IL2RA: variants seen among roughly 807,000 people sequenced by gnomAD.
The protein encoded by IL2RA is interleukin-2 receptor subunit alpha.
Under a neutral mutation model 37.8 loss-of-function variants are expected in IL2RA, and 24 were observed. That is an observed-to-expected ratio of 0.63 (90% CI 0.46 to 0.89). The LOEUF (loss-of-function observed/expected upper bound fraction) is 0.89, where lower values mean the gene tolerates loss of function less well. IL2RA is among the 40% of genes least tolerant of loss of function. IL2RA has a pLI of 0.00. For synonymous variants in IL2RA, 125 were observed against 114.6 expected (o/e 1.09, Z -0.58); for missense variants, 319 against 348.6 (o/e 0.92, Z 0.68).
In IL2RA at chr10:6,047,898, A is replaced by G. The variant is rs1259887026; in HGVS notation, c.64+14190T>C. Among the ~76,000 whole-genome samples the G allele has an allele frequency of 6.6e-6, 1 of 152,152 alleles. No homozygotes were observed. Among genetic ancestry groups the G allele is most frequent in the Non-Finnish European group, 1.5e-5 (1 of 68,012 alleles). The stretch of plus-strand genomic sequence containing the variant: ...AAAATTATTACTTATGCAGTAATTA[A>G]TTATGAGGTGATGTGTTCTTCTCAT... On this transcript the variant is annotated intron_variant, in intron 1 of 7. Transcript: ENST00000379959. This position sits in a 1 kb window ranked among gnomAD's most constrained non-coding sequence, Gnocchi z 5.0.
intron 1 of IL2RA, among the ~76,000 whole-genome samples, chr10:6,030,336 A>G (rs1490600522): frequency 6.6e-6 from 1 of 152,240 alleles, no homozygotes; most frequent in African/African-American, 2.4e-5. Flanking sequence ...AAGCCCATCT[A>G]TATACATCGT....
At position 6,054,641 on chromosome 10, in the gene IL2RA, C is replaced by T. The variant is rs1840014311; in HGVS notation, c.64+7447G>A. Among the ~76,000 whole-genome samples the T allele has an allele frequency of 6.6e-6, 1 of 152,112 alleles. No homozygotes were observed. The highest frequency in any genetic ancestry group is 1.5e-5 in the Non-Finnish European group (1 of 68,024). On this transcript the variant is annotated intron_variant, in intron 1 of 7. Coordinates refer to ENST00000379959, the MANE Select transcript of IL2RA (RefSeq NM_000417.3). This position sits in a 1 kb window ranked among gnomAD's most constrained non-coding sequence, Gnocchi z 4.5. Reference sequence around the variant, plus strand: ...AGCTCACTACTCATGGAACACGGTCCATGTACACGACTCCAGCAGCATCAC... The same window carrying T: ...AGCTCACTACTCATGGAACACGGTCTATGTACACGACTCCAGCAGCATCAC...
Position 6,020,014 on chromosome 10 carries a change from C to G in IL2RA, c.584-73G>C. On this transcript the variant is annotated intron_variant, in intron 4 of 7. Transcript: ENST00000379959. This position sits in a 1 kb window ranked among gnomAD's most constrained non-coding sequence, Gnocchi z 5.6. ...GGGCCTCACTCCCACCCCGCCTGCC[C>G]CAGGCAGCCGGCCCCAGACACGCCC... The G allele has an allele frequency of 1.5e-6, 2 of 1,334,444 alleles. No homozygotes were observed. Among genetic ancestry groups the G allele is most frequent in the Non-Finnish European group, 2.2e-6 (2 of 926,736 alleles). The allele number at this position is 1,334,444 out of a possible 1,614,324, so 82.7% of individuals were successfully genotyped here. A position where few individuals can be genotyped will look rare whatever the true frequency, so the allele number is the denominator to read the frequency against.
chr10:6,050,130 C>T (rs10905669), intron 1 of IL2RA, among the ~76,000 whole-genome samples: 31,068 of 152,094 alleles, frequency 0.2, 3,742 homozygotes, highest in East Asian at 0.32. Flanking sequence ...ACGACAGGTG[C>T]TTTCAGGGGA....
intron 7 of IL2RA, among the ~76,000 whole-genome samples, chr10:6,013,884 T>C (rs960343414): frequency 6.7e-6 from 1 of 149,482 alleles, no homozygotes; most frequent in African/African-American, 2.5e-5. Flanking sequence ...CAGGCTGCAG[T>C]GCAGTGGCAT....
In IL2RA at chr10:6,033,766, A is replaced by G. The variant is rs1326120594; in HGVS notation, c.65-7741T>C. ...AGTTATATCCAGAGATAGAAAGCAG[A>G]CAGTGGTTTCTTGTGGTAGGTGGGT... On this transcript the variant is annotated intron_variant, in intron 1 of 7. Transcript: ENST00000379959. The surrounding 1 kb of genome is among the most constrained non-coding windows in gnomAD (Gnocchi z 4.3). Among the ~76,000 whole-genome samples the G allele has an allele frequency of 6.6e-6, 1 of 152,254 alleles. No homozygotes were observed. Among genetic ancestry groups the G allele is most frequent in the Non-Finnish European group, 1.5e-5 (1 of 68,046 alleles).
intron 1 of IL2RA, among the ~76,000 whole-genome samples, chr10:6,045,126 A>G (rs1839829621): frequency 6.6e-6 from 1 of 152,192 alleles, no homozygotes; most frequent in Admixed American, 6.5e-5. Flanking sequence ...ATCTCCGAGC[A>G]CTTGGACACA....
At chr10:6,037,334 G>C (rs570112512) in intron 1 of IL2RA, among the ~76,000 whole-genome samples, 12 of 152,222 alleles carry the variant, frequency 7.9e-5, no homozygotes, top group African/African-American at 2.9e-4. Context: ...AAGATAAAGG[G>C]AAAAGGGGGC....
rs1255003017 is a variant in IL2RA, at chr10:6,046,446, C to T, written c.64+15642G>A. Among the ~76,000 whole-genome samples the T allele has an allele frequency of 1.3e-5, 2 of 152,188 alleles. No individual in the cohort carries two copies. Among genetic ancestry groups the T allele is most frequent in the Non-Finnish European group, 2.9e-5 (2 of 68,036 alleles). ...CCCCAGACATCGGGTAAGACAATGA[C>T]ATTTCAGGCACTGTGGGATTGATGG... On this transcript the variant is annotated intron_variant, in intron 1 of 7. Coordinates refer to ENST00000379959, the MANE Select transcript of IL2RA (RefSeq NM_000417.3). The surrounding 1 kb of genome is among the most constrained non-coding windows in gnomAD (Gnocchi z 4.8).
At chr10:6,042,595 C>T (rs751655743) in intron 1 of IL2RA, among the ~76,000 whole-genome samples, 3 of 152,058 alleles carry the variant, frequency 2.0e-5, no homozygotes, top group South Asian at 2.1e-4. Context: ...TAAGTAATAA[C>T]GTCTACTTAG....
At chr10:6,016,989 C>T (rs1839290068) in intron 7 of IL2RA, 1 of 152,542 alleles carries the variant, frequency 6.6e-6, no homozygotes, top group African/African-American at 2.4e-5. Flanking sequence ...AAGATTCCCC[C>T]CAAATTCAAA....
At position 6,047,330 on chromosome 10, in the gene IL2RA, A is replaced by T. The variant is rs1839879786; in HGVS notation, c.64+14758T>A. Among the ~76,000 whole-genome samples the T allele has an allele frequency of 6.6e-6, 1 of 152,188 alleles. No individual in the cohort carries two copies. The highest frequency in any genetic ancestry group is 2.1e-4 in the South Asian group (1 of 4,826). ...GCCTGTGCCACACTCAGAACGCGGG[A>T]TGAACATAGAGGAAACACTAGAATG... On this transcript the variant is annotated intron_variant, in intron 1 of 7. Coordinates refer to ENST00000379959, the MANE Select transcript of IL2RA (RefSeq NM_000417.3). This position sits in a 1 kb window ranked among gnomAD's most constrained non-coding sequence, Gnocchi z 5.0.
At chr10:6,023,556 G>A (rs986595898) in intron 3 of IL2RA, among the ~76,000 whole-genome samples, 1 of 152,172 alleles carries the variant, frequency 6.6e-6, no homozygotes, top group Non-Finnish European at 1.5e-5. Context: ...GGCTGGTCTC[G>A]AACTCCTGAC....
In IL2RA at chr10:6,017,572, ATTTT is replaced by A. The variant is rs71390109; in HGVS notation, c.794+477_794+480del. 9.3e-4 allele frequency among the ~76,000 whole-genome samples: 98 copies of A among 104,858 alleles called. 1 individual carries two copies. The highest frequency in any genetic ancestry group is 1.5e-3 in the Non-Finnish European group (83 of 54,410). The allele number at this position is 104,858 out of a possible 152,430, so 68.8% of individuals were successfully genotyped here. On this transcript the variant is annotated intron_variant, in intron 7 of 7. Transcript: ENST00000379959. ...GCCTTCCCATTTCCCTGGTCGTTTAATTTTTTTTTTTTTTTTTTTTTGAGACAGA... is the reference window on the plus strand; with the variant it reads ...GCCTTCCCATTTCCCTGGTCGTTTAATTTTTTTTTTTTTTTTTGAGACAGA...
At position 6,020,359 on chromosome 10, in the gene IL2RA, G is replaced by A. The variant is rs893173784; in HGVS notation, c.584-418C>T. ...CTTCTCCTGAGGGGTCAGCAACCCT[G>A]GCTCTGCCCTGCCTCTCACCCTCTT... On this transcript the variant is annotated intron_variant, in intron 4 of 7. Coordinates refer to ENST00000379959, the MANE Select transcript of IL2RA (RefSeq NM_000417.3). This position sits in a 1 kb window ranked among gnomAD's most constrained non-coding sequence, Gnocchi z 5.6. Among the ~76,000 whole-genome samples the A allele has an allele frequency of 1.3e-5, 2 of 152,124 alleles. No individual in the cohort carries two copies. Among genetic ancestry groups the A allele is most frequent in the Non-Finnish European group, 2.9e-5 (2 of 68,012 alleles).
At chr10:6,027,954 A>G (rs897245425) in intron 1 of IL2RA, among the ~76,000 whole-genome samples, 2 of 152,226 alleles carry the variant, frequency 1.3e-5, no homozygotes, top group Admixed American at 6.5e-5. Flanking sequence ...GCTTCCAGCC[A>G]TCACAGAGTA....
rs984862449 is a variant in IL2RA, at chr10:6,019,622, G to A, written c.656-123C>T. The A allele has an allele frequency of 1.1e-5, 9 of 825,080 alleles. No homozygotes were observed. The African/African-American group carries it at 1.5e-4, about 14-fold the overall frequency. 51.1% of individuals were successfully genotyped at this position (825,080 alleles called of 1,614,324 possible). A position where few individuals can be genotyped will look rare whatever the true frequency, so the allele number is the denominator to read the frequency against. On this transcript the variant is annotated intron_variant, in intron 5 of 7. Coordinates refer to ENST00000379959, the MANE Select transcript of IL2RA (RefSeq NM_000417.3). ...AGAGGCTGGTGGGAGACACGTGGTGGTGGTGAGGGAAGGTGTTCCATCTCT... is the reference window on the plus strand; with the variant it reads ...AGAGGCTGGTGGGAGACACGTGGTGATGGTGAGGGAAGGTGTTCCATCTCT...
At chr10:6,032,034 GACTCA>G (rs2132869004) in intron 1 of IL2RA, among the ~76,000 whole-genome samples, 1 of 152,220 alleles carries the variant, frequency 6.6e-6, no homozygotes, top group Admixed American at 6.5e-5. Context: ...TCCTGAAATG[GACTCA>G]ACTCATGTTT....
rs761269061 is a variant in IL2RA, at chr10:6,019,838, C to G, written c.655+32G>C. On this transcript the variant is annotated intron_variant, in intron 5 of 7. Coordinates refer to ENST00000379959, the MANE Select transcript of IL2RA (RefSeq NM_000417.3). Reference sequence around the variant, plus strand: ...TCACCTCTGCCCTTTTGGACTAGGCCTCTGTGGTCCAGCGTTTGTCTTCTC... The same window carrying G: ...TCACCTCTGCCCTTTTGGACTAGGCGTCTGTGGTCCAGCGTTTGTCTTCTC... The G allele has an allele frequency of 1.9e-6, 3 of 1,604,532 alleles. No homozygotes were observed. The African/African-American group carries it at 4.0e-5, about 21-fold the overall frequency.
Sources: allele counts gnomAD v4.1 joint callset (sites outside exome capture counted in the v4.1 genomes callset), GRCh38; gene constraint gnomAD v4.1.1; non-coding constraint Gnocchi (gnomAD v3.1); transcripts MANE v1.5; gene names NCBI Gene and HGNC (gene_info 2026-07-23, HGNC 2026-07-21).